Variants in TRPS1 observed in about 807,000 individuals in gnomAD.
TRPS1 encodes transcriptional repressor GATA binding 1.
A neutral mutation model predicts 101.2 loss-of-function variants in TRPS1; 6 were observed. The ratio of observed to expected loss-of-function variants is 0.06; its 90% CI spans 0.03 to 0.12. The LOEUF (loss-of-function observed/expected upper bound fraction) is 0.12. Ranked by LOEUF, TRPS1 falls within the 10% of genes least tolerant of loss-of-function variation. The pLI, the probability that TRPS1 is intolerant of heterozygous loss-of-function variation, is 1.00. For synonymous variants in TRPS1, 578 were observed against 589.8 expected (o/e 0.98, Z 0.29); for missense variants, 1,363 against 1,567.0 (o/e 0.87, Z 2.20).
chr8:115,515,471 C>G (rs1815686698), intron 5 of TRPS1, among the ~76,000 whole-genome samples: 1 of 151,412 alleles, frequency 6.6e-6, no homozygotes, highest in South Asian at 2.1e-4. Context: ...TTAATAAAAA[C>G]AGACAAATGA....
rs776965399 is a variant in TRPS1 at position 115,619,789 on chromosome 8, G to T, written c.309C>A (p.Ser103Arg). The change falls in exon 3 of 7, where the codon AGC becomes AGA. Residue 103 changes from serine to arginine, a missense_variant. By Grantham distance (110) the Ser-to-Arg change is moderately radical (BLOSUM62 -1). Around this residue, in one of 5 missense-constraint regions of TRPS1, gnomAD observed 1,020 missense variants for 1,073.0 expected, o/e 0.95. Transcript: ENST00000395715. ...LSEKAGFNYE[S>R]PSKGGNFPSF... ...AGGGAAAGTTTCCTCCCTTACTGGG[G>T]CTTTCATAATTGAAGCCAGCCTTCT... 1.2e-5 allele frequency: 19 copies of T among 1,614,038 alleles called. No homozygotes were observed. In the African/African-American group the frequency reaches 2.4e-4, roughly 20 times the overall value.
At chr8:115,650,262 G>C (rs1214617608) in intron 1 of TRPS1, among the ~76,000 whole-genome samples, 1 of 152,186 alleles carries the variant, frequency 6.6e-6, no homozygotes, top group Non-Finnish European at 1.5e-5. Flanking sequence ...GATTTGTAAA[G>C]TTGCTTACAG....
chr8:115,511,762 T>C (rs762626484), intron 5 of TRPS1, among the ~76,000 whole-genome samples: 1 of 151,900 alleles, frequency 6.6e-6, no homozygotes, highest in Non-Finnish European at 1.5e-5. Flanking sequence ...CGCTTGCAAG[T>C]TAAATTGCTA....
intron 5 of TRPS1, among the ~76,000 whole-genome samples, chr8:115,561,698 AGCTACTG>A (rs1816950376): frequency 6.6e-6 from 1 of 151,890 alleles, no homozygotes; most frequent in African/African-American, 2.4e-5. Context: ...TGCATCGTCA[AGCTACTG>A]GCTCCAGTCA....
intron 5 of TRPS1, among the ~76,000 whole-genome samples, chr8:115,462,623 TTCTCTCTCTC>T (rs375709611): frequency 1.1e-4 from 14 of 132,662 alleles, no homozygotes; most frequent in South Asian, 7.3e-4. Context: ...TGTTTTTCTT[TTCTCTCTCTC>T]TCTCTCTCTT....
At chr8:115,650,817 T>G (rs1438522529) in intron 1 of TRPS1, among the ~76,000 whole-genome samples, 1 of 152,224 alleles carries the variant, frequency 6.6e-6, no homozygotes, top group Non-Finnish European at 1.5e-5. Flanking sequence ...AATATCCTCT[T>G]GCTGCCATAA....
At chr8:115,659,978 G>A (rs1159628404) in intron 1 of TRPS1, among the ~76,000 whole-genome samples, 2 of 151,904 alleles carry the variant, frequency 1.3e-5, no homozygotes, top group East Asian at 3.9e-4. Flanking sequence ...TAGCTATCCT[G>A]CATGTACATG....
intron 5 of TRPS1, among the ~76,000 whole-genome samples, chr8:115,487,909 T>A (rs1400094473): frequency 6.6e-6 from 1 of 152,198 alleles, no homozygotes; most frequent in Non-Finnish European, 1.5e-5. Flanking sequence ...GAGGTAGGGT[T>A]TGAGAGGGTT....
At chr8:115,484,504 AG>A (rs1195569084) in intron 5 of TRPS1, among the ~76,000 whole-genome samples, 1 of 152,276 alleles carries the variant, frequency 6.6e-6, no homozygotes, top group East Asian at 1.9e-4. Flanking sequence ...AAGGACACAA[AG>A]TCAGTTGTCC....
At chr8:115,595,739 T>C (rs1041118658) in intron 4 of TRPS1, among the ~76,000 whole-genome samples, 2 of 151,934 alleles carry the variant, frequency 1.3e-5, no homozygotes, top group African/African-American at 4.8e-5. Context: ...GAATTGAAAC[T>C]GTGGCTAAAA....
rs938409685 is a variant in TRPS1 at position 115,411,320 on chromosome 8, T to A, written c.*2703A>T. ...TTGAATGAAAATAAAAAGGCATACA[T>A]GCCAAAAATAAAGAACCTATTTGTG... On this transcript the variant is annotated 3_prime_UTR_variant, in exon 7 of 7. Transcript: ENST00000395715. 1.3e-5 allele frequency: 2 copies of A among 152,310 alleles called. No individual in the cohort carries two copies. The highest frequency in any genetic ancestry group is 2.9e-5 in the Non-Finnish European group (2 of 67,926). The allele number at this position is 152,310 out of a possible 1,614,324, so 9.4% of individuals were successfully genotyped here.
intron 5 of TRPS1, among the ~76,000 whole-genome samples, chr8:115,492,484 T>C (rs1026544600): frequency 1.3e-5 from 1 of 74,924 alleles, no homozygotes; most frequent in African/African-American, 3.0e-5. Context: ...TGTGTGTGCG[T>C]GCGTGTGCGT....
chr8:115,488,534 G>A (rs1187684748), intron 5 of TRPS1, among the ~76,000 whole-genome samples: 1 of 152,128 alleles, frequency 6.6e-6, no homozygotes, highest in Non-Finnish European at 1.5e-5. Context: ...AATTAGCTGG[G>A]CGTGGTGATG....
intron 5 of TRPS1, among the ~76,000 whole-genome samples, chr8:115,555,130 A>G (rs541962180): frequency 6.6e-6 from 1 of 152,304 alleles, no homozygotes; most frequent in Admixed American, 6.5e-5. Context: ...AGTTTAACAG[A>G]CACTTAACAA....
Position 115,587,415 on chromosome 8 carries a change from CAGA to C in TRPS1, c.2283_2285del (p.Asn761_Leu762delinsLys), listed in dbSNP as rs757302975. The stretch of plus-strand genomic sequence containing the variant: ...CTCCCATTTTAGAGTCTGGAGTTAG[CAGA>C]TTGTAGACCCTGAAGTCAATTTTGG... On this transcript the variant is annotated inframe_deletion, in exon 5 of 7. Transcript: ENST00000395715. 14 of 1,614,178 alleles carry C rather than the reference CAGA, an allele frequency of 8.7e-6. 1 individual carries two copies. The South Asian group carries it at 1.5e-4, about 18-fold the overall frequency.
intron 5 of TRPS1, among the ~76,000 whole-genome samples, chr8:115,495,453 G>C (rs371359536): frequency 1.3e-5 from 2 of 148,750 alleles, no homozygotes; most frequent in African/African-American, 2.5e-5. Context: ...ATGGCAGAAA[G>C]GAGGAAAAAA....
At chr8:115,620,255 T>G (rs1283702340) in intron 2 of TRPS1, among the ~76,000 whole-genome samples, 195 bp from the exon 3 acceptor site, 2 of 152,132 alleles carry the variant, frequency 1.3e-5, no homozygotes, top group East Asian at 3.9e-4. Context: ...TTAGAATTAC[T>G]TTTGTAACCA....
intron 3 of TRPS1, among the ~76,000 whole-genome samples, chr8:115,606,548 G>C (rs1467682767): frequency 6.6e-6 from 1 of 152,098 alleles, no homozygotes; most frequent in South Asian, 2.1e-4. Context: ...GTCAATGACA[G>C]AGCATCAACC....
intron 4 of TRPS1, among the ~76,000 whole-genome samples, 178 bp from the exon 5 acceptor site, chr8:115,587,782 A>G (rs1449014881): frequency 1.3e-5 from 2 of 152,236 alleles, no homozygotes; most frequent in Non-Finnish European, 2.9e-5. Context: ...TCAGTTCTAT[A>G]TAAAGAGTTC....
Sources: gnomAD v4.1 joint callset for allele counts (sites outside exome capture counted in the v4.1 genomes callset) on GRCh38, gnomAD v4.1.1 for gene constraint, gnomAD v4.1.1 regional missense constraint, MANE v1.5 for transcripts, NCBI Gene and HGNC (gene_info 2026-07-23, HGNC 2026-07-21) for gene names.